MUC15: variants seen among roughly 807,000 people sequenced by gnomAD.
The protein encoded by MUC15 is mucin 15, cell surface associated.
A neutral mutation model predicts 24.0 loss-of-function variants in MUC15; 23 were observed. That is an observed-to-expected ratio of 0.96 (90% confidence interval 0.69 to 1.36). The LOEUF is 1.36. Among genes scored for constraint, MUC15 ranks in the 40% most tolerant of loss-of-function variants. MUC15 has a pLI of 0.00. For missense variants in MUC15, 442 were observed against 428.2 expected (o/e 1.03, Z -0.29); for synonymous variants, 151 against 156.3 (o/e 0.97, Z 0.25).
rs2134242991 is a variant in MUC15 at position 26,559,199 on chromosome 11, G to A, written c.*1866C>T. 2 of 152,364 alleles carry A rather than the reference G, an allele frequency of 1.3e-5. No individual in the cohort carries two copies. The highest frequency in any genetic ancestry group is 3.4e-3 in the Middle Eastern group (1 of 294). The allele number at this position is 152,364 out of a possible 1,614,324, so 9.4% of individuals were successfully genotyped here. ...TTATGAAACTTTTAAAACAAATTAA[G>A]ATGGGATTTATTACATCTTATAGCC... On this transcript the variant is annotated 3_prime_UTR_variant, in exon 5 of 5. Transcript: ENST00000529533.
rs1850230187 is a variant in MUC15, at chr11:26,560,148, T to C, written c.*917A>G. ...AAGTTGTTTGATATTTCCATTCATC[T>C]TTTTTAACCTTATGGTTCATACATT... On this transcript the variant is annotated 3_prime_UTR_variant, in exon 5 of 5. Coordinates refer to ENST00000529533, the MANE Select transcript of MUC15 (RefSeq NM_001135091.2). 5.4e-6 allele frequency: 1 copy of C among 185,812 alleles called. No individual in the cohort carries two copies. Among genetic ancestry groups the C allele is most frequent in the Non-Finnish European group, 1.1e-5 (1 of 89,000 alleles). The allele number at this position is 185,812 out of a possible 1,614,324, so 11.5% of individuals were successfully genotyped here.
chr11:26,566,922 T>G, intron 2 of MUC15, 130 bp downstream of exon 2: 1 of 793,550 alleles, frequency 1.3e-6, no homozygotes, highest in Admixed American at 4.1e-5. Flanking sequence ...GTAGCAGCAC[T>G]CTAAACAAGA....
At chr11:26,565,956 G>T in intron 2 of MUC15, 60 bp from the exon 3 acceptor site, 4 of 1,373,032 alleles carry the variant, frequency 2.9e-6, no homozygotes, top group Non-Finnish European at 1.9e-6. Flanking sequence ...TTTTTAAATG[G>T]ATCTATATAT....
chr11:26,567,959 T>C (rs1850661298), intron 1 of MUC15, among the ~76,000 whole-genome samples: 2 of 151,928 alleles, frequency 1.3e-5, no homozygotes, highest in Non-Finnish European at 2.9e-5. Context: ...AATGATACGA[T>C]TGGGAAAGGG....
intron 2 of MUC15, 114 bp downstream of exon 2, chr11:26,566,938 C>A: frequency 2.1e-6 from 2 of 952,634 alleles, no homozygotes; most frequent in Middle Eastern, 3.8e-4. Flanking sequence ...CAAGATCTAG[C>A]CTAAAGTAAA....
intron 4 of MUC15, 116 bp from the exon 5 acceptor site, chr11:26,561,341 G>A: frequency 1.4e-6 from 1 of 726,456 alleles, no homozygotes; most frequent in Non-Finnish European, 2.0e-6. Context: ...ATTTTTATAT[G>A]GGCTTTTTAG....
At chr11:26,564,520 T>A (rs1850440063) in intron 3 of MUC15, among the ~76,000 whole-genome samples, 1 of 150,274 alleles carries the variant, frequency 6.7e-6, no homozygotes, top group African/African-American at 2.4e-5. Flanking sequence ...TTTTTCATTT[T>A]ATGGAAAAAT....
chr11:26,567,248 C>T, intron 1 of MUC15, 109 bp from the exon 2 acceptor site: 1 of 630,656 alleles, frequency 1.6e-6, no homozygotes, highest in Non-Finnish European at 2.4e-6. Context: ...AAAAAATAGA[C>T]TTTTTTTTCC....
At chr11:26,563,416 T>C in intron 3 of MUC15, 151 bp from the exon 4 acceptor site, 2 of 727,874 alleles carry the variant, frequency 2.7e-6, no homozygotes, top group Non-Finnish European at 4.1e-6. Flanking sequence ...TGTGTGTGTG[T>C]GTGTGTGTGT....
At position 26,560,014 on chromosome 11, in the gene MUC15, A is replaced by G; in HGVS notation, c.*1051T>C. ...AAACCTAGACTTTCCTACATCAAGGAACATATTTTTTCTACCAAAGGAAGG... is the reference window on the plus strand; with the variant it reads ...AAACCTAGACTTTCCTACATCAAGGGACATATTTTTTCTACCAAAGGAAGG... On this transcript the variant is annotated 3_prime_UTR_variant, in exon 5 of 5. Transcript: ENST00000529533. 1 of 374,882 alleles carries G rather than the reference A, an allele frequency of 2.7e-6. No homozygotes were observed. The highest frequency in any genetic ancestry group is 4.8e-6 in the Non-Finnish European group (1 of 209,840). 23.2% of individuals were successfully genotyped at this position (374,882 alleles called of 1,614,324 possible).
At chr11:26,568,546 A>T (rs1850689345) in intron 1 of MUC15, among the ~76,000 whole-genome samples, 1 of 151,988 alleles carries the variant, frequency 6.6e-6, no homozygotes, top group Admixed American at 6.6e-5. Flanking sequence ...TTTTTACAAA[A>T]CACTGATAAT....
At position 26,559,191 on chromosome 11, in the gene MUC15, C is replaced by G. The variant is rs1425718901; in HGVS notation, c.*1874G>C. On this transcript the variant is annotated 3_prime_UTR_variant, in exon 5 of 5. Coordinates refer to ENST00000529533, the MANE Select transcript of MUC15 (RefSeq NM_001135091.2). ...TCAGTGATTTATGAAACTTTTAAAA[C>G]AAATTAAGATGGGATTTATTACATC... is the stretch of plus-strand genomic sequence containing the variant. 6.6e-6 allele frequency: 1 copy of G among 152,194 alleles called. No homozygotes were observed. Among genetic ancestry groups the G allele is most frequent in the Non-Finnish European group, 1.5e-5 (1 of 68,100 alleles). The allele number at this position is 152,194 out of a possible 1,614,324, so 9.4% of individuals were successfully genotyped here. A position where few individuals can be genotyped will look rare whatever the true frequency, so the allele number is the denominator to read the frequency against.
chr11:26,564,763 A>T (rs1197957646), intron 3 of MUC15, among the ~76,000 whole-genome samples: 3 of 98,766 alleles, frequency 3.0e-5, no homozygotes, highest in Non-Finnish European at 3.9e-5. Flanking sequence ...ATATATATAT[A>T]TATATATATA....
rs556401611 is a variant in MUC15, at chr11:26,560,558, A to G, written c.*507T>C. On this transcript the variant is annotated 3_prime_UTR_variant, in exon 5 of 5. Transcript: ENST00000529533. ...ACAGGTCTGTCATTTCTATTGCCTC[A>G]ATTTCCCAATAACAGAAACTCTGGG... 1 of 153,124 alleles carries G rather than the reference A, an allele frequency of 6.5e-6. No individual in the cohort carries two copies. The highest frequency in any genetic ancestry group is 2.1e-4 in the South Asian group (1 of 4,850). 9.5% of individuals were successfully genotyped at this position (153,124 alleles called of 1,614,324 possible). A position where few individuals can be genotyped will look rare whatever the true frequency, so the allele number is the denominator to read the frequency against.
chr11:26,566,007 A>G (rs997615904), intron 2 of MUC15, 111 bp from the exon 3 acceptor site: 35 of 1,117,122 alleles, frequency 3.1e-5, no homozygotes, highest in Middle Eastern at 3.1e-4. Flanking sequence ...AGAGATGGTA[A>G]TATCATATTT....
intron 1 of MUC15, among the ~76,000 whole-genome samples, chr11:26,569,538 C>T (rs1254578068): frequency 1.3e-5 from 2 of 152,012 alleles, no homozygotes; most frequent in Non-Finnish European, 2.9e-5. Flanking sequence ...TTATTCAGAA[C>T]CCCACCATGA....
intron 4 of MUC15, among the ~76,000 whole-genome samples, chr11:26,561,482 G>A (rs1016108325): frequency 7.2e-5 from 11 of 151,946 alleles, no homozygotes; most frequent in African/African-American, 2.7e-4. Context: ...GAAGAGACCA[G>A]TATAGTATAT....
intron 2 of MUC15, among the ~76,000 whole-genome samples, chr11:26,566,663 T>C (rs1850598045): frequency 6.6e-6 from 1 of 151,842 alleles, no homozygotes; most frequent in Non-Finnish European, 1.5e-5. Context: ...TGTGGGAAAA[T>C]AAGCTAGATA....
chr11:26,559,859 CA>C lies in MUC15; in HGVS notation c.*1205del, dbSNP rs1285370414. 8.8e-6 allele frequency: 8 copies of C among 905,584 alleles called. No individual in the cohort carries two copies. The highest frequency in any genetic ancestry group is 7.3e-6 in the Non-Finnish European group (4 of 548,948). 56.1% of individuals were successfully genotyped at this position (905,584 alleles called of 1,614,324 possible). On this transcript the variant is annotated 3_prime_UTR_variant, in exon 5 of 5. Transcript: ENST00000529533. ...TTACACACACACACACACACACACACACACACACACACACACCATGAATCAA... is the reference window on the plus strand; with the variant it reads ...TTACACACACACACACACACACACACCACACACACACACACCATGAATCAA...
Sources: allele counts gnomAD v4.1 joint callset (sites outside exome capture counted in the v4.1 genomes callset), GRCh38; gene constraint gnomAD v4.1.1; transcripts MANE v1.5; gene names NCBI Gene and HGNC (gene_info 2026-07-23, HGNC 2026-07-21).